Variants in RELN observed in about 807,000 individuals in gnomAD.
RELN encodes reelin.
Under a neutral mutation model 427.6 loss-of-function variants are expected in RELN, and 108 were observed. That is an observed-to-expected ratio of 0.25 (90% CI 0.22 to 0.30). RELN has a LOEUF of 0.30. Among genes scored for constraint, RELN ranks in the 10% least tolerant of loss-of-function variants. The probability of loss-of-function intolerance (pLI) is 1.00; values close to 1 mark genes in which losing one functional copy is unlikely to be tolerated. For missense variants in RELN, 3,715 were observed against 4,302.8 expected (o/e 0.86, Z 3.82); for synonymous variants, 1,524 against 1,513.4 (o/e 1.01, Z -0.16).
At chr7:103,664,285 G>T (rs1476503219) in intron 11 of RELN, among the ~76,000 whole-genome samples, 1 of 152,162 alleles carries the variant, frequency 6.6e-6, no homozygotes, top group Non-Finnish European at 1.5e-5. Context: ...AGGTCCTTGT[G>T]TGTTTACATA....
At chr7:103,487,682 G>T (rs1336231084) in intron 60 of RELN, among the ~76,000 whole-genome samples, 1 of 152,208 alleles carries the variant, frequency 6.6e-6, no homozygotes, top group Non-Finnish European at 1.5e-5. Context: ...GTGGGTCTCA[G>T]TAGTGAACTC....
intron 2 of RELN, among the ~76,000 whole-genome samples, chr7:103,840,942 A>T (rs1457296989): frequency 6.6e-6 from 1 of 152,208 alleles, no homozygotes; most frequent in Non-Finnish European, 1.5e-5. Flanking sequence ...TATAATGTAT[A>T]TGTGTGTATG....
chr7:103,692,671 C>G (rs1048821625), intron 10 of RELN, among the ~76,000 whole-genome samples: 2 of 152,048 alleles, frequency 1.3e-5, no homozygotes, highest in African/African-American at 4.8e-5. Flanking sequence ...CTCGATGACT[C>G]TTTTGGTCTA....
chr7:103,491,848 TCTCTCTCTCACACACA>T lies in RELN; in HGVS notation c.9443+89_9443+104del, dbSNP rs141760627. ...GTCTCTCTCTCTCTCTCTCTCTCTC[TCTCTCTCTCACACACA>T]CACACACACACACACACACACACAC... On this transcript the variant is annotated intron_variant, in intron 58 of 64. Transcript: ENST00000428762. The T allele has an allele frequency of 0.02, 11,781 of 575,970 alleles. 111 individuals carry two copies. Among genetic ancestry groups the T allele is most frequent in the East Asian group, 0.082 (1,963 of 23,800 alleles). 35.7% of individuals were successfully genotyped at this position (575,970 alleles called of 1,614,324 possible).
At chr7:103,960,007 G>A (rs921322282) in intron 1 of RELN, among the ~76,000 whole-genome samples, 4 of 152,044 alleles carry the variant, frequency 2.6e-5, no homozygotes, top group South Asian at 2.1e-4. Context: ...GCCTCCTAAC[G>A]GGTCTTTCTG....
chr7:103,513,061 A>G (rs1445913266), intron 50 of RELN: 1 of 152,218 alleles, frequency 6.6e-6, no homozygotes, highest in African/African-American at 2.4e-5. Context: ...TTAGTCCTAC[A>G]TCACAGATAC....
At chr7:103,558,477 T>A (rs576537382) in intron 36 of RELN, among the ~76,000 whole-genome samples, 111 of 152,250 alleles carry the variant, frequency 7.3e-4, no homozygotes, top group African/African-American at 2.6e-3. Flanking sequence ...CAAGGAGTCT[T>A]AGGAACTTAC....
chr7:103,848,685 G>A (rs1793741168), intron 2 of RELN, among the ~76,000 whole-genome samples: 2 of 152,064 alleles, frequency 1.3e-5, no homozygotes, highest in Non-Finnish European at 2.9e-5. Flanking sequence ...AGGAACTATG[G>A]GAATTGTATT....
At position 103,661,474 on chromosome 7, in the gene RELN, C is replaced by A. The variant is rs1176570466; in HGVS notation, c.1343G>T (p.Gly448Val). The A allele has an allele frequency of 1.2e-6, 2 of 1,613,578 alleles. No individual in the cohort carries two copies. The highest frequency in any genetic ancestry group is 1.7e-5 in the Admixed American group (1 of 59,976). ...IGTECGTIES[G>V]LSMVFLKDGE... Reference sequence around the variant, plus strand: ...ATCTTTGAGGAAGACCATTGATAAGCCTGATTCTATCGTTCCACATTCTGT... The same window carrying A: ...ATCTTTGAGGAAGACCATTGATAAGACTGATTCTATCGTTCCACATTCTGT... The change falls in exon 12 of 65, where the codon GGC becomes GTC. Residue 448 changes from glycine (G) to valine (V), a missense_variant. Coordinates refer to ENST00000428762, the MANE Select transcript of RELN (RefSeq NM_005045.4).
rs34125550 is a variant in RELN, at chr7:103,561,959, C to CAAA, written c.5211-9_5211-7dup. Reference sequence around the variant, plus strand: ...TGAACCGGGTCCTGGGAGAACTAACCAAAAAAAAAAAAAAAAAAACACACC... The same window carrying CAAA: ...TGAACCGGGTCCTGGGAGAACTAACCAAAAAAAAAAAAAAAAAAAAAACACACC... On this transcript the variant is annotated splice_region_variant and splice_polypyrimidine_tract_variant and intron_variant, in intron 34 of 64. Transcript: ENST00000428762. 1,737 of 1,310,464 alleles carry CAAA rather than the reference C, an allele frequency of 1.3e-3. 7 individuals carry two copies. The highest frequency in any genetic ancestry group is 2.4e-3 in the South Asian group (159 of 66,174). 81.2% of individuals were successfully genotyped at this position (1,310,464 alleles called of 1,614,324 possible). A position where few individuals can be genotyped will look rare whatever the true frequency, so the allele number is the denominator to read the frequency against.
At chr7:103,951,667 A>G (rs1251765812) in intron 1 of RELN, among the ~76,000 whole-genome samples, 1 of 136,098 alleles carries the variant, frequency 7.3e-6, no homozygotes, top group Admixed American at 7.5e-5. Flanking sequence ...TAGCTCCGAC[A>G]TTGCTAGCCT....
intron 28 of RELN, among the ~76,000 whole-genome samples, chr7:103,577,095 A>G (rs1241430462): frequency 6.6e-6 from 1 of 152,214 alleles, no homozygotes; most frequent in African/African-American, 2.4e-5. Flanking sequence ...GCCAATATTT[A>G]TAGACTTTTG....
chr7:103,838,208 C>CAAGAAAAAA (rs1491227842), intron 2 of RELN, among the ~76,000 whole-genome samples: 1 of 81,082 alleles, frequency 1.2e-5, no homozygotes, highest in African/African-American at 5.1e-5. Flanking sequence ...GACTTCGTCT[C>CAAGAAAAAA]AAAAAAAAAA....
At chr7:103,849,269 A>G (rs1269730007) in intron 2 of RELN, among the ~76,000 whole-genome samples, 1 of 151,902 alleles carries the variant, frequency 6.6e-6, no homozygotes, top group Non-Finnish European at 1.5e-5. Context: ...TACTTTCCCC[A>G]CTCCGGTCAA....
chr7:103,736,875 G>A (rs1458400881), intron 6 of RELN, among the ~76,000 whole-genome samples: 1 of 152,118 alleles, frequency 6.6e-6, no homozygotes, highest in East Asian at 1.9e-4. Context: ...TGTAGATGAA[G>A]CTTTTCCCTG....
intron 49 of RELN, among the ~76,000 whole-genome samples, chr7:103,518,103 T>C (rs543106680): frequency 2.0e-4 from 30 of 152,222 alleles, no homozygotes; most frequent in Non-Finnish European, 3.4e-4. Flanking sequence ...GGGTCACTGG[T>C]GCTTGCGGAG....
intron 2 of RELN, among the ~76,000 whole-genome samples, chr7:103,869,732 T>C (rs1794283620): frequency 6.6e-6 from 1 of 152,170 alleles, no homozygotes; most frequent in Non-Finnish European, 1.5e-5. Context: ...TGAATTTCTT[T>C]GTGACAAAAC....
intron 7 of RELN, among the ~76,000 whole-genome samples, chr7:103,724,719 G>T (rs139826305): frequency 2.0e-5 from 3 of 151,926 alleles, no homozygotes; most frequent in African/African-American, 7.2e-5. Flanking sequence ...GGAAGTTTAG[G>T]ACTGGTATAA....
intron 10 of RELN, among the ~76,000 whole-genome samples, chr7:103,687,087 T>TA (rs1833780485): frequency 6.6e-6 from 1 of 152,190 alleles, no homozygotes; most frequent in South Asian, 2.1e-4. Flanking sequence ...TACTTTGTAC[T>TA]ACGATTTTTA....
Sources: allele counts gnomAD v4.1 joint callset (sites outside exome capture counted in the v4.1 genomes callset), GRCh38; gene constraint gnomAD v4.1.1; transcripts MANE v1.5; gene names NCBI Gene and HGNC (gene_info 2026-07-23, HGNC 2026-07-21).